ADAM10: variants seen among roughly 807,000 people sequenced by gnomAD.
The protein encoded by ADAM10 is ADAM metallopeptidase domain 10.
ADAM10 carries 17 observed loss-of-function variants against 90.1 expected under a neutral mutation model. That is an observed-to-expected ratio of 0.19 (90% CI 0.13 to 0.28). The LOEUF is 0.28. Ranked by LOEUF, ADAM10 falls within the 10% of genes least tolerant of loss-of-function variation. ADAM10 has a pLI of 1.00. For missense variants in ADAM10, 610 were observed against 914.3 expected (o/e 0.67, Z 4.29); for synonymous variants, 310 against 298.6 (o/e 1.04, Z -0.40).
rs1255497332 is a variant in ADAM10 at position 58,591,756 on chromosome 15, A to AT, written c.*5790dup. On this transcript the variant is annotated 3_prime_UTR_variant, in exon 16 of 16. Transcript: ENST00000260408. ...AAAAACTTATACATCGTATCATTTC[A>AT]TTTTTTAAGTGTTTCAATTTGCATC... 1 of 152,228 alleles carries AT rather than the reference A, an allele frequency of 6.6e-6. No homozygotes were observed. Among genetic ancestry groups the AT allele is most frequent in the Non-Finnish European group, 1.5e-5 (1 of 68,034 alleles). The allele number at this position is 152,228 out of a possible 1,614,324, so 9.4% of individuals were successfully genotyped here.
At position 58,710,057 on chromosome 15, in the gene ADAM10, CGG is replaced by C. The variant is rs1898425058; in HGVS notation, c.206+7518_206+7519del. On this transcript the variant is annotated intron_variant, in intron 2 of 15. Transcript: ENST00000260408. ...CAGCACTCTAGGAGGCCAAGGCAGGCGGATCATGTTAGGAGATCGAGACCATC... is the reference window on the plus strand; with the variant it reads ...CAGCACTCTAGGAGGCCAAGGCAGGCATCATGTTAGGAGATCGAGACCATC... 2.6e-5 allele frequency among the ~76,000 whole-genome samples: 4 copies of C among 152,158 alleles called. No homozygotes were observed. In the South Asian group the frequency reaches 8.3e-4, roughly 32 times the overall value.
intron 11 of ADAM10, among the ~76,000 whole-genome samples, chr15:58,614,625 G>C (rs1465125797): frequency 2.6e-5 from 4 of 152,054 alleles, no homozygotes; most frequent in African/African-American, 9.7e-5. Context: ...TAGCAGCCAA[G>C]AGTCTATACC....
chr15:58,619,661 T>C (rs1424686122), intron 11 of ADAM10, among the ~76,000 whole-genome samples: 2 of 151,982 alleles, frequency 1.3e-5, no homozygotes, highest in Non-Finnish European at 2.9e-5. Context: ...TCCCAGCAGT[T>C]TGGGAGGCCA....
rs1205828085 is a variant in ADAM10 at position 58,655,743 on chromosome 15, T to C, written c.585+9354A>G. 2.0e-3 allele frequency among the ~76,000 whole-genome samples: 60 copies of C among 30,006 alleles called. 1 individual carries two copies. Among genetic ancestry groups the C allele is most frequent in the African/African-American group, 0.019 (57 of 2,976 alleles). The allele number at this position is 30,006 out of a possible 152,430, so 19.7% of individuals were successfully genotyped here. A position where few individuals can be genotyped will look rare whatever the true frequency, so the allele number is the denominator to read the frequency against. On this transcript the variant is annotated intron_variant, in intron 5 of 15. Coordinates refer to ENST00000260408, the MANE Select transcript of ADAM10 (RefSeq NM_001110.4). Reference sequence around the variant, plus strand: ...TATATATATATATATATATATATTCTTTTTTTTTTTTTTTTTTTTTTGAAA... The same window carrying C: ...TATATATATATATATATATATATTCCTTTTTTTTTTTTTTTTTTTTTGAAA...
intron 8 of ADAM10, among the ~76,000 whole-genome samples, chr15:58,634,337 T>G (rs1242283781): frequency 6.6e-6 from 1 of 152,036 alleles, no homozygotes; most frequent in Admixed American, 6.6e-5. Context: ...CACCATACTA[T>G]TCTTGCAACC....
At chr15:58,717,760 T>A (rs746376832) in intron 1 of ADAM10, 33 bp from the exon 2 acceptor site, 1 of 1,598,446 alleles carries the variant, frequency 6.3e-7, no homozygotes, top group South Asian at 1.1e-5. Flanking sequence ...TGAATTAGTA[T>A]CATCTTGAAG....
At chr15:58,712,646 C>T (rs1452999226) in intron 2 of ADAM10, among the ~76,000 whole-genome samples, 2 of 149,786 alleles carry the variant, frequency 1.3e-5, no homozygotes, top group East Asian at 2.0e-4. Context: ...GGTGAAGCCC[C>T]GTCTCTACTA....
At chr15:58,693,035 G>T (rs775717435) in intron 2 of ADAM10, 3 of 766,286 alleles carry the variant, frequency 3.9e-6, no homozygotes, top group African/African-American at 3.4e-5. Flanking sequence ...CTCTCATAGC[G>T]AATCTTGTCT....
At chr15:58,617,013 G>C (rs544044938) in intron 11 of ADAM10, among the ~76,000 whole-genome samples, 4 of 152,250 alleles carry the variant, frequency 2.6e-5, no homozygotes, top group Admixed American at 2.0e-4. Flanking sequence ...GGAGGCTGAG[G>C]CAGGAGAATG....
chr15:58,713,489 A>T (rs746326753), intron 2 of ADAM10, among the ~76,000 whole-genome samples: 10 of 152,210 alleles, frequency 6.6e-5, no homozygotes, highest in Non-Finnish European at 1.5e-5. Flanking sequence ...TCAAGTTCAC[A>T]AGGAGTAGAG....
intron 1 of ADAM10, among the ~76,000 whole-genome samples, chr15:58,719,760 T>G (rs1387025067): frequency 6.6e-6 from 1 of 152,164 alleles, no homozygotes; most frequent in Non-Finnish European, 1.5e-5. Context: ...ACCACTACCT[T>G]CAATCATTAG....
At chr15:58,597,758 G>C in intron 15 of ADAM10, 117 bp from the exon 16 acceptor site, 1 of 1,009,466 alleles carries the variant, frequency 9.9e-7, no homozygotes, top group Non-Finnish European at 1.4e-6. Context: ...CAATAATATG[G>C]GCCATCAATG....
At chr15:58,672,692 T>A (rs967491402) in intron 4 of ADAM10, 1 of 147,318 alleles carries the variant, frequency 6.8e-6, no homozygotes, top group Non-Finnish European at 1.5e-5. Context: ...ATATGGTGCA[T>A]ATGACAAGCA....
chr15:58,626,753 T>C (rs1335169856), intron 10 of ADAM10, among the ~76,000 whole-genome samples: 1 of 152,078 alleles, frequency 6.6e-6, no homozygotes, highest in Non-Finnish European at 1.5e-5. Flanking sequence ...ATACCCAGAA[T>C]AGGCCAATTC....
At chr15:58,615,190 C>G (rs529812476) in intron 11 of ADAM10, among the ~76,000 whole-genome samples, 1 of 143,288 alleles carries the variant, frequency 7.0e-6, no homozygotes, top group Non-Finnish European at 1.5e-5. Context: ...AGGAGAATGG[C>G]GTGAACCCAG....
At chr15:58,649,718 A>G (rs775721307) in intron 5 of ADAM10, among the ~76,000 whole-genome samples, 4 of 152,146 alleles carry the variant, frequency 2.6e-5, no homozygotes, top group Non-Finnish European at 5.9e-5. Flanking sequence ...TTTTAAGATT[A>G]TATCTTTGGC....
chr15:58,607,048 G>A (rs1430875181), intron 14 of ADAM10, among the ~76,000 whole-genome samples: 1 of 152,204 alleles, frequency 6.6e-6, no homozygotes, highest in African/African-American at 2.4e-5. Flanking sequence ...AGAATGTTTT[G>A]ATAATTTTTA....
rs1376006781 is a variant in ADAM10, at chr15:58,597,535, C to T, written c.*12G>A. 1 of 1,614,066 alleles carries T rather than the reference C, an allele frequency of 6.2e-7. No individual in the cohort carries two copies. The highest frequency in any genetic ancestry group is 8.5e-7 in the Non-Finnish European group (1 of 1,180,004). On this transcript the variant is annotated 3_prime_UTR_variant, in exon 16 of 16. Coordinates refer to ENST00000260408, the MANE Select transcript of ADAM10 (RefSeq NM_001110.4). The stretch of plus-strand genomic sequence containing the variant: ...TTGTAGGCACTAGGAAGAACCAAGG[C>T]AAAAGCTGCAGTTAGCGTCTCATGT...
chr15:58,700,743 G>A (rs1243887196), intron 2 of ADAM10, among the ~76,000 whole-genome samples: 1 of 152,082 alleles, frequency 6.6e-6, no homozygotes, highest in Non-Finnish European at 1.5e-5. Flanking sequence ...AGGTGACTCA[G>A]TGACTCAGTG....
Sources: allele counts gnomAD v4.1 joint callset (sites outside exome capture counted in the v4.1 genomes callset), GRCh38; gene constraint gnomAD v4.1.1; transcripts MANE v1.5; gene names NCBI Gene and HGNC (gene_info 2026-07-23, HGNC 2026-07-21).